The following STPG2 variants were observed in gnomAD, a reference collection of about 807,000 sequenced individuals.
The protein encoded by STPG2 is sperm-tail PG-rich repeat-containing protein 2.
STPG2 carries 56 observed loss-of-function variants against 54.2 expected under a neutral mutation model. The observed-to-expected ratio is 1.03, with a 90% CI of 0.83 to 1.29. The LOEUF is 1.29. Among genes scored for constraint, STPG2 ranks in the 50% most tolerant of loss-of-function variants. The pLI is 0.00. For synonymous variants in STPG2, 200 were observed against 181.8 expected, an observed-to-expected ratio of 1.10 and a Z score of -0.81; for missense variants, 596 against 544.9, an observed-to-expected ratio of 1.09 and a Z score of -0.93.
chr4:97,486,829 G>GTGTGTGTGTGTATATA (rs1490371230), intron 4 of STPG2, among the ~76,000 whole-genome samples: 2 of 90,204 alleles, frequency 2.2e-5, no homozygotes, highest in African/African-American at 6.7e-5. Flanking sequence ...GTGTGTGTGT[G>GTGTGTGTGTGTATATA]TATATATATA....
intron 5 of STPG2, among the ~76,000 whole-genome samples, chr4:97,983,741 C>T (rs1441089644): frequency 6.6e-6 from 1 of 152,106 alleles, no homozygotes. Context: ...GTGTCCCTTG[C>T]TACTGGGGTA....
At chr4:97,581,759 T>A (rs545497971) in intron 10 of STPG2, among the ~76,000 whole-genome samples, 1 of 152,176 alleles carries the variant, frequency 6.6e-6, no homozygotes, top group African/African-American at 2.4e-5. Context: ...AAAATAGCTA[T>A]AACGTGCTTA....
At chr4:97,818,033 T>C (rs1294182908) in intron 9 of STPG2, among the ~76,000 whole-genome samples, 1 of 151,934 alleles carries the variant, frequency 6.6e-6, no homozygotes. Context: ...TGTAGAAATC[T>C]GAGAGTCCAA....
chr4:98,123,980 T>A (rs949043173), intron 3 of STPG2, among the ~76,000 whole-genome samples: 11 of 152,230 alleles, frequency 7.2e-5, no homozygotes, highest in African/African-American at 2.7e-4. Context: ...AAGTCTGTTT[T>A]GTCAGAAACT....
chr4:97,557,654 G>A (rs1009906358), downstream of STPG2, among the ~76,000 whole-genome samples: 5 of 152,014 alleles, frequency 3.3e-5, no homozygotes, highest in African/African-American at 7.2e-5. Context: ...AAGACATAAG[G>A]GTAGGCACAG....
At chr4:97,947,625 A>C (rs890947265) in intron 7 of STPG2, among the ~76,000 whole-genome samples, 5 of 152,080 alleles carry the variant, frequency 3.3e-5, no homozygotes, top group African/African-American at 1.2e-4. Flanking sequence ...AAAAGATGCT[A>C]GATTTTATCA....
At chr4:97,790,598 G>C (rs1726960995) in intron 9 of STPG2, among the ~76,000 whole-genome samples, 1 of 152,104 alleles carries the variant, frequency 6.6e-6, no homozygotes, top group South Asian at 2.1e-4. Flanking sequence ...TCAGCTTCTA[G>C]AGGCTGCCCT....
chr4:97,503,587 G>A (rs2148835098), intron 4 of STPG2, among the ~76,000 whole-genome samples: 1 of 150,982 alleles, frequency 6.6e-6, no homozygotes, highest in East Asian at 2.0e-4. Context: ...TGCCTGGCTA[G>A]TATGTATGTT....
intron 5 of STPG2, among the ~76,000 whole-genome samples, chr4:97,991,179 T>G (rs775941775): frequency 2.3e-4 from 35 of 151,964 alleles, no homozygotes; most frequent in Non-Finnish European, 4.3e-4. Context: ...CTGGGTTACT[T>G]CACTTAGATT....
intron 4 of STPG2, chr4:97,463,405 G>A (rs1004917076): frequency 1.3e-5 from 2 of 152,066 alleles, no homozygotes; most frequent in Non-Finnish European, 2.9e-5. Flanking sequence ...GAGAGTTTCT[G>A]TATATACTAT....
chr4:97,598,834 A>G (rs1262098891), intron 10 of STPG2, among the ~76,000 whole-genome samples: 1 of 152,116 alleles, frequency 6.6e-6, no homozygotes, highest in African/African-American at 2.4e-5. Context: ...AGATAACCTA[A>G]TAAATACCAT....
chr4:97,862,548 G>A (rs1037259718), intron 8 of STPG2, among the ~76,000 whole-genome samples: 2 of 151,936 alleles, frequency 1.3e-5, no homozygotes, highest in Admixed American at 1.3e-4. Context: ...GAGACAGAGA[G>A]TTAATAAGGA....
chr4:97,923,834 G>A (rs906358725), intron 8 of STPG2, among the ~76,000 whole-genome samples: 1 of 152,284 alleles, frequency 6.6e-6, no homozygotes, highest in East Asian at 1.9e-4. Flanking sequence ...GTCTAGCTCA[G>A]GGATTGTAAA....
At chr4:97,844,567 A>AC (rs1162957539) in intron 8 of STPG2, among the ~76,000 whole-genome samples, 3 of 152,002 alleles carry the variant, frequency 2.0e-5, no homozygotes, top group African/African-American at 7.2e-5. Flanking sequence ...CCACTATATA[A>AC]GTTTCCTTTT....
At chr4:97,585,101 C>CAAAAAAAAAAAAAAAAAAAAAA (rs60854805) in intron 10 of STPG2, among the ~76,000 whole-genome samples, 1 of 46,262 alleles carries the variant, frequency 2.2e-5, no homozygotes, top group Non-Finnish European at 3.4e-5. Flanking sequence ...AAAATATTCT[C>CAAAAAAAAAAAAAAAAAAAAAA]AAAAAAAAAA....
intron 7 of STPG2, among the ~76,000 whole-genome samples, chr4:97,947,578 C>T (rs1733282348): frequency 6.6e-6 from 1 of 151,856 alleles, no homozygotes; most frequent in Admixed American, 6.6e-5. Flanking sequence ...GAACTAAGTC[C>T]CTTTTATACC....
intron 8 of STPG2, among the ~76,000 whole-genome samples, chr4:97,894,933 TG>T (rs1730903889): frequency 1.3e-5 from 2 of 151,978 alleles, no homozygotes; most frequent in Admixed American, 1.3e-4. Flanking sequence ...CAAGAATATT[TG>T]ATCTATCACT....
At chr4:97,993,905 T>C (rs760241960) in intron 5 of STPG2, among the ~76,000 whole-genome samples, 1 of 152,194 alleles carries the variant, frequency 6.6e-6, no homozygotes. Flanking sequence ...AATGATCTTT[T>C]GTATTTCTGT....
chr4:97,878,802 C>G (rs912811325), intron 8 of STPG2, among the ~76,000 whole-genome samples: 1 of 152,220 alleles, frequency 6.6e-6, no homozygotes, highest in African/African-American at 2.4e-5. Flanking sequence ...CAAATTTCTA[C>G]AGCCAACTCA....
Sources: allele counts gnomAD v4.1 joint callset (sites outside exome capture counted in the v4.1 genomes callset), GRCh38; gene constraint gnomAD v4.1.1; transcripts MANE v1.5; gene names NCBI Gene and HGNC (gene_info 2026-07-23, HGNC 2026-07-21).